LEF1: variants seen among roughly 807,000 people sequenced by gnomAD.
The protein encoded by LEF1 is lymphoid enhancer-binding factor 1.
LEF1 carries 14 observed loss-of-function variants against 51.2 expected under a neutral mutation model. The observed-to-expected ratio is 0.27, with a 90% CI of 0.18 to 0.43. LEF1 has a LOEUF of 0.43. Among genes scored for constraint, LEF1 ranks in the 20% least tolerant of loss-of-function variants. The pLI, the probability that LEF1 is intolerant of heterozygous loss-of-function variation, is 1.00. For synonymous variants in LEF1, 185 were observed against 183.2 expected (o/e 1.01, Z -0.08); for missense variants, 386 against 512.0 (o/e 0.75, Z 2.37).
At chr4:108,112,010 G>A (rs1741563109) in intron 3 of LEF1, among the ~76,000 whole-genome samples, 1 of 152,134 alleles carries the variant, frequency 6.6e-6, no homozygotes, top group African/African-American at 2.4e-5. Context: ...CTGTGAAATC[G>A]ACCCTGCCCT....
At chr4:108,104,668 T>C (rs1417200834) in intron 3 of LEF1, 2 of 984,372 alleles carry the variant, frequency 2.0e-6, no homozygotes, top group Non-Finnish European at 1.2e-6. Flanking sequence ...AACTATCGTA[T>C]GAAGGACATA....
At chr4:108,138,060 A>AC (rs1409986521) in intron 3 of LEF1, among the ~76,000 whole-genome samples, 3 of 152,184 alleles carry the variant, frequency 2.0e-5, no homozygotes, top group Admixed American at 6.5e-5. Context: ...CTTTAGGATG[A>AC]CCCCAACAAA....
chr4:108,073,767 G>A (rs1402351004), intron 8 of LEF1, among the ~76,000 whole-genome samples: 1 of 151,716 alleles, frequency 6.6e-6, no homozygotes, highest in Non-Finnish European at 1.5e-5. Flanking sequence ...AGGAGGCAAA[G>A]TAGGCATAAA....
At chr4:108,097,560 A>T (rs913467408) in intron 3 of LEF1, among the ~76,000 whole-genome samples, 7 of 152,196 alleles carry the variant, frequency 4.6e-5, no homozygotes, top group African/African-American at 1.4e-4. Context: ...CGTAAGTTTT[A>T]AAATAACTAA....
At chr4:108,123,394 G>T in intron 3 of LEF1, among the ~76,000 whole-genome samples, 1 of 141,308 alleles carries the variant, frequency 7.1e-6, no homozygotes, top group East Asian at 2.2e-4. Context: ...TTACTCTAAA[G>T]ATATAGCCTT....
intron 9 of LEF1, among the ~76,000 whole-genome samples, chr4:108,066,543 CAT>C (rs1738092222): frequency 6.6e-6 from 1 of 152,172 alleles, no homozygotes; most frequent in South Asian, 2.1e-4. Context: ...CCCACTCACA[CAT>C]GTCTAGAACA....
At chr4:108,085,296 C>T (rs1739572925) in intron 4 of LEF1, among the ~76,000 whole-genome samples, 1 of 152,212 alleles carries the variant, frequency 6.6e-6, no homozygotes, top group Non-Finnish European at 1.5e-5. Flanking sequence ...GTTGGCCAGG[C>T]TGATCTTGAA....
intron 3 of LEF1, among the ~76,000 whole-genome samples, chr4:108,097,327 A>AG (rs936155683): frequency 3.9e-5 from 6 of 152,240 alleles, no homozygotes; most frequent in Admixed American, 6.5e-5. Context: ...ATGTGAAATA[A>AG]GCCAGGCACA....
chr4:108,163,738 C>T (rs1325982591), intron 2 of LEF1, 37 bp from the exon 3 acceptor site: 18 of 1,601,760 alleles, frequency 1.1e-5, no homozygotes, highest in African/African-American at 2.7e-5. Flanking sequence ...GATGCACTGA[C>T]TTCCCTTTTA....
Position 108,149,232 on chromosome 4 carries a change from G to A in LEF1, c.414+14336C>T, listed in dbSNP as rs547063982. On this transcript the variant is annotated intron_variant, in intron 3 of 11. Transcript: ENST00000265165. ...CCCAGCACTTTGGGAGGCAGAGGCG[G>A]GCGGATCATGAGGTCAGGAGATCGA... is the stretch of plus-strand genomic sequence containing the variant. Among the ~76,000 whole-genome samples the A allele has an allele frequency of 2.3e-4, 35 of 151,762 alleles. No homozygotes were observed. In the East Asian group the frequency reaches 6.6e-3, roughly 28 times the overall value.
At chr4:108,053,579 A>G (rs1652142825) in intron 11 of LEF1, among the ~76,000 whole-genome samples, 2 of 152,224 alleles carry the variant, frequency 1.3e-5, no homozygotes, top group Admixed American at 1.3e-4. Flanking sequence ...TGGCAATGTC[A>G]AGATGACTTT....
At chr4:108,099,564 GTGTGTGTATATATATA>G (rs1740631150) in intron 3 of LEF1, among the ~76,000 whole-genome samples, 1 of 59,340 alleles carries the variant, frequency 1.7e-5, no homozygotes, top group East Asian at 4.5e-4. Context: ...GTATGTGTGT[GTGTGTGTATATATATA>G]TATATATATA....
intron 11 of LEF1, among the ~76,000 whole-genome samples, chr4:108,060,927 T>C (rs1737646410): frequency 6.6e-6 from 1 of 152,106 alleles, no homozygotes; most frequent in Non-Finnish European, 1.5e-5. Context: ...AAACAGAATG[T>C]TTCTGAATTC....
At chr4:108,165,738 A>G (rs1745344451) in intron 1 of LEF1, among the ~76,000 whole-genome samples, 1 of 152,228 alleles carries the variant, frequency 6.6e-6, no homozygotes, top group African/African-American at 2.4e-5. Flanking sequence ...CAAAAGTAGA[A>G]CGATTCTGTG....
intron 8 of LEF1, among the ~76,000 whole-genome samples, chr4:108,073,291 A>G (rs1738616556): frequency 1.3e-5 from 2 of 152,168 alleles, no homozygotes; most frequent in African/African-American, 4.8e-5. Flanking sequence ...AGGCTGAGGC[A>G]TGAGAATTGC....
rs1173780342 is a variant in LEF1, at chr4:108,078,325, C to T, written c.903G>A (p.Lys301=). The T allele has an allele frequency of 6.2e-7, 1 of 1,614,114 alleles. No individual in the cohort carries two copies. The highest frequency in any genetic ancestry group is 1.1e-5 in the South Asian group (1 of 91,084). The change falls in exon 8 of 12, where the codon AAG becomes AAA. Residue 301 remains lysine (K), a synonymous_variant. Coordinates refer to ENST00000265165, the MANE Select transcript of LEF1 (RefSeq NM_016269.5). ...TGTATAACATAAAAGCATTCAGAGGCTTCTTAATGTGAGGTCTTTTTGGCT... is the reference window on the plus strand; with the variant it reads ...TGTATAACATAAAAGCATTCAGAGGTTTCTTAATGTGAGGTCTTTTTGGCT... ...EQEPKRPHIK[K]PLNAFMLYMK...
At chr4:108,075,415 C>CCTCACAAGGG (rs1417916496) in intron 8 of LEF1, 1 of 152,182 alleles carries the variant, frequency 6.6e-6, no homozygotes, top group Non-Finnish European at 1.5e-5. Context: ...ACATGATCCT[C>CCTCACAAGGG]TATGTTTCAC....
intron 3 of LEF1, among the ~76,000 whole-genome samples, chr4:108,114,632 C>A (rs529344487): frequency 1.3e-5 from 2 of 152,104 alleles, no homozygotes; most frequent in Non-Finnish European, 1.5e-5. Context: ...ACAAACTCTG[C>A]GAGCTAAAGA....
intron 3 of LEF1, among the ~76,000 whole-genome samples, chr4:108,138,912 C>T (rs567359460): frequency 1.3e-5 from 2 of 152,132 alleles, no homozygotes; most frequent in African/African-American, 2.4e-5. Context: ...TGAAGCCACT[C>T]GTAGCAACAT....
Sources: allele counts gnomAD v4.1 joint callset (sites outside exome capture counted in the v4.1 genomes callset), GRCh38; gene constraint gnomAD v4.1.1; transcripts MANE v1.5; gene names NCBI Gene and HGNC (gene_info 2026-07-23, HGNC 2026-07-21).